The following HDAC9 variants were observed in gnomAD, a reference collection of about 807,000 sequenced individuals.
HDAC9 encodes the protein MEF-2 interacting transcription repressor (MITR) protein.
Under a neutral mutation model 139.4 loss-of-function variants are expected in HDAC9, and 41 were observed. The observed-to-expected ratio is 0.29, with a 90% CI of 0.23 to 0.38. The LOEUF (loss-of-function observed/expected upper bound fraction) is 0.38. Among genes scored for constraint, HDAC9 ranks in the 10% least tolerant of loss-of-function variants. The pLI is 1.00. For missense variants in HDAC9, 1,147 were observed against 1,297.0 expected (o/e 0.88, Z 1.78); for synonymous variants, 517 against 476.2 (o/e 1.09, Z -1.12).
chr7:18,301,472 T>C (rs939574552), intron 1 of HDAC9, among the ~76,000 whole-genome samples: 1 of 152,152 alleles, frequency 6.6e-6, no homozygotes, highest in East Asian at 1.9e-4. Context: ...TAATCCTCTG[T>C]TTTATTCCAG....
intron 21 of HDAC9, among the ~76,000 whole-genome samples, chr7:18,854,413 G>A (rs745968993): frequency 6.6e-6 from 1 of 152,060 alleles, no homozygotes; most frequent in African/African-American, 2.4e-5. Flanking sequence ...TTCTTATGGG[G>A]TTCAAGGTAG....
chr7:18,961,045 T>C (rs1389735473), intron 24 of HDAC9, among the ~76,000 whole-genome samples: 2 of 152,182 alleles, frequency 1.3e-5, no homozygotes, highest in East Asian at 3.8e-4. Flanking sequence ...CAAACTCAGT[T>C]TTTCCTCTTT....
intron 16 of HDAC9, among the ~76,000 whole-genome samples, chr7:18,785,328 CA>C (rs532134794): frequency 3.2e-4 from 47 of 145,170 alleles, no homozygotes; most frequent in Admixed American, 4.8e-4. Flanking sequence ...GGTTGTATAC[CA>C]AAAAAAAAAA....
rs142039140 is a variant in HDAC9, at chr7:18,929,676, G to A, written c.2804-6133G>A. 2.3e-4 allele frequency among the ~76,000 whole-genome samples: 35 copies of A among 152,184 alleles called. No individual in the cohort carries two copies. In the East Asian group the frequency reaches 5.2e-3, roughly 23 times the overall value. On this transcript the variant is annotated intron_variant, in intron 22 of 25. Transcript: ENST00000686413. ...GACACGGCTGGGCATGGTAGCTTAC[G>A]CCTGTAATTCCAGCACTTTGGGAGG...
At chr7:18,419,497 T>C (rs1014386496) in intron 1 of HDAC9, among the ~76,000 whole-genome samples, 2 of 152,202 alleles carry the variant, frequency 1.3e-5, no homozygotes, top group African/African-American at 4.8e-5. Context: ...AGATAAGTTT[T>C]AGTGTTTTCC....
At chr7:18,326,393 G>T (rs1800447551) in intron 1 of HDAC9, among the ~76,000 whole-genome samples, 1 of 152,006 alleles carries the variant, frequency 6.6e-6, no homozygotes, top group Non-Finnish European at 1.5e-5. Context: ...GAAAGAAGTA[G>T]ATGTTGGATA....
intron 25 of HDAC9, among the ~76,000 whole-genome samples, chr7:18,978,732 T>A (rs946019571): frequency 4.6e-5 from 7 of 152,228 alleles, no homozygotes; most frequent in Admixed American, 6.5e-5. Flanking sequence ...TTTAAACAAT[T>A]GTAGTTTGCA....
intron 11 of HDAC9, 49 bp downstream of exon 11, chr7:18,648,732 T>G: frequency 6.7e-7 from 1 of 1,495,568 alleles, no homozygotes; most frequent in Non-Finnish European, 9.2e-7. Flanking sequence ...GTTTGGAAAT[T>G]GGGTATCTCT....
chr7:18,865,956 C>G (rs958928914), intron 21 of HDAC9, among the ~76,000 whole-genome samples: 5 of 151,190 alleles, frequency 3.3e-5, no homozygotes, highest in Admixed American at 1.3e-4. Context: ...TTATAATATG[C>G]TATTATAAAT....
rs538643938 is a variant in HDAC9 at position 18,189,273 on chromosome 7, C to G, written c.25+26924C>G. On this transcript the variant is annotated intron_variant, in intron 2 of 12. Coordinates refer to the HDAC9 transcript ENST00000417496. ...AAACCAAACACCGCATGTTCTCACT[C>G]GTAAGCAGGAGTTGAACATTGAGAA... Among the ~76,000 whole-genome samples, 13 of 150,594 alleles carry G rather than the reference C, an allele frequency of 8.6e-5. No individual in the cohort carries two copies. In the South Asian group the frequency reaches 2.3e-3, roughly 27 times the overall value.
At chr7:18,293,914 T>G (rs953836684) in intron 1 of HDAC9, among the ~76,000 whole-genome samples, 4 of 152,110 alleles carry the variant, frequency 2.6e-5, no homozygotes, top group African/African-American at 9.7e-5. Context: ...TCAATAAACA[T>G]TAGTGCTTGA....
chr7:18,770,911 A>T (rs1790234243), intron 16 of HDAC9, among the ~76,000 whole-genome samples: 1 of 152,148 alleles, frequency 6.6e-6, no homozygotes, highest in African/African-American at 2.4e-5. Flanking sequence ...ATATGATTTT[A>T]TATAAGTTTG....
intron 22 of HDAC9, among the ~76,000 whole-genome samples, chr7:18,907,553 A>G (rs1244372329): frequency 6.6e-6 from 1 of 152,220 alleles, no homozygotes; most frequent in Non-Finnish European, 1.5e-5. Context: ...TGACAAGCAA[A>G]ATTTGCCAAA....
rs184314779 is a variant in HDAC9 at position 19,000,829 on chromosome 7, T to A, written c.*4767T>A. The A allele has an allele frequency of 6.6e-6, 1 of 152,228 alleles. No individual in the cohort carries two copies. Among genetic ancestry groups the A allele is most frequent in the Non-Finnish European group, 1.5e-5 (1 of 68,016 alleles). 9.4% of individuals were successfully genotyped at this position (152,228 alleles called of 1,614,324 possible). ...AACAATCTATACGAAATTGCCAATA[T>A]CTAAGCAATCAAAAGTTTCTGAAAT... On this transcript the variant is annotated 3_prime_UTR_variant, in exon 26 of 26. Transcript: ENST00000686413.
chr7:18,646,304 A>T (rs1463036979), intron 9 of HDAC9, among the ~76,000 whole-genome samples: 4 of 152,018 alleles, frequency 2.6e-5, no homozygotes, highest in Non-Finnish European at 5.9e-5. Context: ...GTCAGGGAAA[A>T]TTTTTTCCCA....
intron 2 of HDAC9, among the ~76,000 whole-genome samples, chr7:18,277,946 A>C (rs1046222107): frequency 1.3e-5 from 2 of 152,206 alleles, no homozygotes; most frequent in Non-Finnish European, 2.9e-5. Flanking sequence ...GCTTTATGCA[A>C]CTAATTACCG....
intron 1 of HDAC9, among the ~76,000 whole-genome samples, chr7:18,303,615 C>A (rs1798717462): frequency 6.6e-6 from 1 of 152,138 alleles, no homozygotes; most frequent in African/African-American, 2.4e-5. Flanking sequence ...TATTAGCTGA[C>A]TACCAAATTT....
intron 6 of HDAC9, among the ~76,000 whole-genome samples, chr7:18,623,394 T>C (rs1196751039): frequency 6.6e-6 from 1 of 152,060 alleles, no homozygotes; most frequent in Non-Finnish European, 1.5e-5. Context: ...GGCAAAGGAG[T>C]GTACCAATTG....
chr7:18,262,035 T>A (rs931297855), intron 2 of HDAC9, among the ~76,000 whole-genome samples: 2 of 152,250 alleles, frequency 1.3e-5, no homozygotes, highest in Non-Finnish European at 2.9e-5. Flanking sequence ...CTTACTCAGG[T>A]ATTATTGTAA....
Sources: gnomAD v4.1 joint callset for allele counts (sites outside exome capture counted in the v4.1 genomes callset) on GRCh38, gnomAD v4.1.1 for gene constraint, MANE v1.5 for transcripts, NCBI Gene and HGNC (gene_info 2026-07-23, HGNC 2026-07-21) for gene names.